MINAR1: variants seen among roughly 807,000 people sequenced by gnomAD.
MINAR1 encodes major intrinsically disordered Notch2-binding receptor 1.
In MINAR1, 40 loss-of-function variants were observed where a neutral mutation model predicts 65.1. That is an observed-to-expected ratio of 0.61 (90% CI 0.48 to 0.80). MINAR1 has a LOEUF of 0.80. MINAR1 is among the 30% of genes least tolerant of loss of function. The pLI, the probability that MINAR1 is intolerant of heterozygous loss-of-function variation, is 0.00. For missense variants in MINAR1, 1,128 were observed against 1,148.0 expected (o/e 0.98, Z 0.25); for synonymous variants, 482 against 449.1 (o/e 1.07, Z -0.93).
the MINAR1 span, chr15:79,411,596 T>G: frequency 1.5e-6 from 1 of 675,232 alleles, no homozygotes. Flanking sequence ...AGAGCTACCA[T>G]GCACTGGGAC....
chr15:79,456,513 T>C lies in MINAR1; in HGVS notation c.366T>C (p.Cys122=). Residue 122 remains cysteine, a synonymous_variant, in exon 2 of 4, where the codon TGT becomes TGC. Transcript: ENST00000305428. ...VRKKEASFES[C]RSDTEICNAA... ...AGAAGGAGGCATCCTTTGAATCATGTAGGTCGGACACAGAGATCTGCAATG... is the reference window on the plus strand; with the variant it reads ...AGAAGGAGGCATCCTTTGAATCATGCAGGTCGGACACAGAGATCTGCAATG... The C allele has an allele frequency of 6.2e-7, 1 of 1,614,054 alleles. No individual in the cohort carries two copies. Among genetic ancestry groups the C allele is most frequent in the South Asian group, 1.1e-5 (1 of 91,086 alleles).
In MINAR1 at chr15:79,449,636, A is replaced by C. The variant is rs75020783; in HGVS notation, c.-50-6462A>C. 7.0e-3 allele frequency among the ~76,000 whole-genome samples: 1,059 copies of C among 152,258 alleles called. 42 individuals are homozygous for C. In the East Asian group the frequency reaches 0.12, roughly 17 times the overall value. On this transcript the variant is annotated intron_variant, in intron 1 of 3. Transcript: ENST00000305428. ...ACAATCACCTGGGATGGTTTTTAAA[A>C]CCTATTGAGACCTGGCCTCCCCTAC...
At position 79,470,565 on chromosome 15, in the gene MINAR1, T is replaced by A. The variant is rs989074789; in HGVS notation, c.*2181T>A. On this transcript the variant is annotated 3_prime_UTR_variant, in exon 4 of 4. Coordinates refer to ENST00000305428, the MANE Select transcript of MINAR1 (RefSeq NM_015206.3). ...CCACTGCCCTTGGTGAATCTATTCC[T>A]AGTGGACCCCATTTGGGCATGTGCC... 1 of 152,192 alleles carries A rather than the reference T, an allele frequency of 6.6e-6. No individual in the cohort carries two copies. The highest frequency in any genetic ancestry group is 2.1e-4 in the South Asian group (1 of 4,820). 9.4% of individuals were successfully genotyped at this position (152,192 alleles called of 1,614,324 possible). A position where few individuals can be genotyped will look rare whatever the true frequency, so the allele number is the denominator to read the frequency against.
intron 1 of MINAR1, among the ~76,000 whole-genome samples, chr15:79,448,057 T>C (rs1008413797): frequency 6.6e-6 from 1 of 152,254 alleles, no homozygotes; most frequent in Non-Finnish European, 1.5e-5. Flanking sequence ...TTTCAATCTC[T>C]TCTCTATTTC....
At position 79,463,063 on chromosome 15, in the gene MINAR1, G is replaced by A. The variant is rs200353260; in HGVS notation, c.2299-4G>A. The A allele has an allele frequency of 4.2e-4, 679 of 1,608,398 alleles. 3 individuals carry two copies. The African/African-American group carries it at 8.4e-3, about 20-fold the overall frequency. On this transcript the variant is annotated splice_polypyrimidine_tract_variant and splice_region_variant and intron_variant, in intron 2 of 3. Transcript: ENST00000305428. ...TGTCTGGACTTCTTTGTGCCCCTCT[G>A]CAGGCAGACAGGCAGTACGACATTC...
chr15:79,428,233 C>T (rs964916257), upstream of MINAR1, among the ~76,000 whole-genome samples: 4 of 131,356 alleles, frequency 3.0e-5, no homozygotes, highest in Non-Finnish European at 6.4e-5. Flanking sequence ...TTCCCCCTCC[C>T]TCCCTCCTCT....
In MINAR1 at chr15:79,465,624, G is replaced by A. The variant is rs113477604; in HGVS notation, c.2553+2303G>A. On this transcript the variant is annotated intron_variant, in intron 3 of 3. Transcript: ENST00000305428. ...AAGCCAATTTCCTTCTGTCTGAGCC[G>A]GAGGGAATAAAGTACAAAATCTGAT... is the stretch of plus-strand genomic sequence containing the variant. Among the ~76,000 whole-genome samples the A allele has an allele frequency of 8.4e-4, 128 of 152,174 alleles. 4 individuals are homozygous for A. Among genetic ancestry groups the A allele is most frequent in the South Asian group, 2.7e-3 (13 of 4,810 alleles).
intron 2 of MINAR1, among the ~76,000 whole-genome samples, chr15:79,459,633 C>T (rs1895574555): frequency 6.6e-6 from 1 of 152,090 alleles, no homozygotes; most frequent in African/African-American, 2.4e-5. Flanking sequence ...CATTCAAAGC[C>T]AGGGAGGAGG....
intron 3 of MINAR1, among the ~76,000 whole-genome samples, chr15:79,467,469 G>GTATT (rs1481123918): frequency 9.8e-5 from 15 of 152,290 alleles, no homozygotes; most frequent in African/African-American, 2.9e-4. Context: ...GTTAAATATG[G>GTATT]TATTTCTCCT....
rs758100182 is a variant in MINAR1, at chr15:79,458,133, G to T, written c.1986G>T (p.Arg662=). The T allele has an allele frequency of 1.9e-6, 3 of 1,614,156 alleles. No individual in the cohort carries two copies. Among genetic ancestry groups the T allele is most frequent in the Non-Finnish European group, 2.5e-6 (3 of 1,179,990 alleles). The change falls in exon 2 of 4, where the codon CGG becomes CGT. Residue 662 remains arginine (R), a synonymous_variant. Transcript: ENST00000305428. ...EGPSDDSASP[R]MFHAHSGSHG... is the part of the protein sequence containing the mutation. ...CGTCTGATGACAGTGCCTCTCCCCG[G>T]ATGTTCCACGCACACAGTGGCTCCC... is the stretch of plus-strand genomic sequence containing the variant.
At chr15:79,414,583 G>C in the MINAR1 span, 1 of 152,178 alleles carries the variant, frequency 6.6e-6, no homozygotes, top group Non-Finnish European at 1.5e-5. Context: ...GGCTAAATAT[G>C]GTTTGAATGG....
chr15:79,421,694 T>A, the MINAR1 span: 11 of 152,088 alleles, frequency 7.2e-5, no homozygotes, highest in African/African-American at 2.4e-4. Context: ...AGTAAGTGAA[T>A]GAGGGAGGGG....
rs1555430628 is a variant in MINAR1 at position 79,470,476 on chromosome 15, C to CAAATCCACCCCAAATCTTCCATTTT, written c.*2116_*2117insTAAATCCACCCCAAATCTTCCATTT. On this transcript the variant is annotated 3_prime_UTR_variant, in exon 4 of 4. Coordinates refer to ENST00000305428, the MANE Select transcript of MINAR1 (RefSeq NM_015206.3). The stretch of plus-strand genomic sequence containing the variant: ...TTACCCAGGATAAGAAAAATCTAGT[C>CAAATCCACCCCAAATCTTCCATTTT]AAATCCACCCCAAATCTTCCATTTA... 6.6e-6 allele frequency: 1 copy of CAAATCCACCCCAAATCTTCCATTTT among 152,132 alleles called. No individual in the cohort carries two copies. Among genetic ancestry groups the CAAATCCACCCCAAATCTTCCATTTT allele is most frequent in the African/African-American group, 2.4e-5 (1 of 41,382 alleles). 9.4% of individuals were successfully genotyped at this position (152,132 alleles called of 1,614,324 possible).
chr15:79,456,556 C>T lies in MINAR1; in HGVS notation c.409C>T (p.Leu137=). 2 of 1,614,106 alleles carry T rather than the reference C, an allele frequency of 1.2e-6. No individual in the cohort carries two copies. Among genetic ancestry groups the T allele is most frequent in the Non-Finnish European group, 1.7e-6 (2 of 1,180,010 alleles). ...EICNAAECEP[L]NCELSERSFS... is the part of the protein sequence containing the mutation. ...CTGCAATGCAGCTGAGTGTGAGCCC[C>T]TGAACTGTGAGCTGAGTGAGAGGTC... The change falls in exon 2 of 4, where the codon CTG becomes TTG. Residue 137 remains leucine (L), a synonymous_variant. Transcript: ENST00000305428.
chr15:79,448,318 G>A (rs1405542656), intron 1 of MINAR1, among the ~76,000 whole-genome samples: 1 of 152,188 alleles, frequency 6.6e-6, no homozygotes, highest in Non-Finnish European at 1.5e-5. Context: ...ACTCCTTGCT[G>A]CCCTCTTTAG....
chr15:79,464,796 A>T (rs1433098564), intron 3 of MINAR1, among the ~76,000 whole-genome samples: 2 of 152,146 alleles, frequency 1.3e-5, no homozygotes, highest in Admixed American at 6.5e-5. Flanking sequence ...CTTGGACTGC[A>T]TACCCCTTGA....
intron 1 of MINAR1, among the ~76,000 whole-genome samples, chr15:79,437,414 TAGTG>T (rs10587446): frequency 0.6 from 88,630 of 147,988 alleles, 26,998 homozygotes; most frequent in Admixed American, 0.68. Flanking sequence ...TGTGGGTGGA[TAGTG>T]AGTGGGTGGG....
chr15:79,448,581 C>A (rs554416775), intron 1 of MINAR1, among the ~76,000 whole-genome samples: 3 of 152,314 alleles, frequency 2.0e-5, no homozygotes, highest in African/African-American at 4.8e-5. Context: ...CAGATGAATT[C>A]TCTTGCAGTG....
intron 1 of MINAR1, among the ~76,000 whole-genome samples, chr15:79,442,594 A>G (rs1448903535): frequency 4.0e-4 from 14 of 34,642 alleles, no homozygotes; most frequent in African/African-American, 2.7e-3. Flanking sequence ...ATAAAAATGA[A>G]AAAAAAAAAA....
Sources: allele counts gnomAD v4.1 joint callset (sites outside exome capture counted in the v4.1 genomes callset), GRCh38; gene constraint gnomAD v4.1.1; transcripts MANE v1.5; gene names NCBI Gene and HGNC (gene_info 2026-07-23, HGNC 2026-07-21).